Variants in PTPRD observed in about 807,000 individuals in gnomAD.
PTPRD encodes the protein protein tyrosine phosphatase receptor type D.
PTPRD carries 34 observed loss-of-function variants against 214.5 expected under a neutral mutation model. That is an observed-to-expected ratio of 0.16 (90% CI 0.12 to 0.21). The LOEUF is 0.21. PTPRD is among the 10% of genes least tolerant of loss of function. The pLI, the probability that PTPRD is intolerant of heterozygous loss-of-function variation, is 1.00. For missense variants in PTPRD, 2,545 were observed against 2,398.7 expected (o/e 1.06, Z -1.27); for synonymous variants, 1,128 against 845.7 (o/e 1.33, Z -5.79).
chr9:9,345,154 T>C (rs1389590981), intron 9 of PTPRD, among the ~76,000 whole-genome samples: 2 of 152,204 alleles, frequency 1.3e-5, no homozygotes. Flanking sequence ...ATGCTAATTT[T>C]AGGACAAAGT....
intron 8 of PTPRD, among the ~76,000 whole-genome samples, chr9:9,516,259 T>C (rs954320992): frequency 9.9e-5 from 11 of 111,322 alleles, no homozygotes; most frequent in Non-Finnish European, 2.3e-4. Flanking sequence ...CTCCCATCCA[T>C]ATTTACTTAA....
chr9:8,561,337 C>T (rs1191059715), intron 14 of PTPRD, among the ~76,000 whole-genome samples: 1 of 152,160 alleles, frequency 6.6e-6, no homozygotes, highest in Non-Finnish European at 1.5e-5. Context: ...GGTGAGGAAT[C>T]CTCCCACCCC....
chr9:9,715,472 T>C (rs1156404216), intron 7 of PTPRD, among the ~76,000 whole-genome samples: 1 of 151,778 alleles, frequency 6.6e-6, no homozygotes, highest in Non-Finnish European at 1.5e-5. Flanking sequence ...AGCCAAGAAA[T>C]AAAAAAATAA....
intron 8 of PTPRD, among the ~76,000 whole-genome samples, chr9:9,404,692 G>A (rs1408458659): frequency 6.6e-6 from 1 of 152,038 alleles, no homozygotes; most frequent in African/African-American, 2.4e-5. Flanking sequence ...ATAGTTCAGT[G>A]GAGAGTCTAG....
Position 9,707,827 on chromosome 9 carries a change from T to A in PTPRD, c.-287+26706A>T, listed in dbSNP as rs369540411. ...TATAAAGGACTATTGAAACCTGTAG[T>A]TATTTGTCCACACAATCAATGACTC... On this transcript the variant is annotated intron_variant, in intron 7 of 45. Transcript: ENST00000381196. Among the ~76,000 whole-genome samples, 477 of 152,222 alleles carry A rather than the reference T, an allele frequency of 3.1e-3. 4 individuals are homozygous for A. Among genetic ancestry groups the A allele is most frequent in the African/African-American group, 0.011 (449 of 41,546 alleles).
At chr9:8,444,727 C>T (rs896967273) in intron 34 of PTPRD, among the ~76,000 whole-genome samples, 15 of 152,044 alleles carry the variant, frequency 9.9e-5, no homozygotes, top group African/African-American at 3.6e-4. Flanking sequence ...TTCTATTTTC[C>T]AAAATTTCCC....
chr9:8,373,651 GTGTGTA>G, intron 39 of PTPRD, among the ~76,000 whole-genome samples: 1 of 93,200 alleles, frequency 1.1e-5, no homozygotes, highest in East Asian at 3.7e-4. Context: ...GTGTGTGTGT[GTGTGTA>G]TTTTCTCAAA....
intron 3 of PTPRD, among the ~76,000 whole-genome samples, chr9:10,097,971 G>C (rs1271517519): frequency 6.6e-6 from 1 of 151,780 alleles, no homozygotes; most frequent in Non-Finnish European, 1.5e-5. Context: ...AATACCATTT[G>C]ACCCAGCCAT....
Position 9,792,125 on chromosome 9 carries a change from A to T in PTPRD, c.-367-25274T>A, listed in dbSNP as rs892283633. 1.6e-3 allele frequency among the ~76,000 whole-genome samples: 7 copies of T among 4,392 alleles called. No homozygotes were observed. In the African/African-American group the frequency reaches 0.09, roughly 56 times the overall value. The allele number at this position is 4,392 out of a possible 152,430, so 2.9% of individuals were successfully genotyped here. On this transcript the variant is annotated intron_variant, in intron 5 of 45. Transcript: ENST00000381196. ...CAGTGAGATTTTCTGACACTTTTTA[A>T]AAAAATCACATTACTCTTTATTTTT...
chr9:9,199,642 G>A (rs2099940701), intron 9 of PTPRD, among the ~76,000 whole-genome samples: 1 of 151,940 alleles, frequency 6.6e-6, no homozygotes, highest in Admixed American at 6.6e-5. Context: ...AATATAAATA[G>A]GTTAAATAGA....
chr9:10,127,625 TGTTTCTTATC>T (rs2098829556), intron 3 of PTPRD, among the ~76,000 whole-genome samples: 1 of 152,172 alleles, frequency 6.6e-6, no homozygotes, highest in South Asian at 2.1e-4. Flanking sequence ...TTAATCATAT[TGTTTCTTATC>T]CTTCTACCAT....
chr9:9,848,138 G>C (rs2059893791), intron 5 of PTPRD, among the ~76,000 whole-genome samples: 1 of 152,128 alleles, frequency 6.6e-6, no homozygotes, highest in Non-Finnish European at 1.5e-5. Flanking sequence ...ACACGCTTCA[G>C]AGTTTTCTAT....
At chr9:9,437,758 C>G (rs185223668) in intron 8 of PTPRD, among the ~76,000 whole-genome samples, 1 of 152,276 alleles carries the variant, frequency 6.6e-6, no homozygotes, top group East Asian at 1.9e-4. Flanking sequence ...CTGAGATCTG[C>G]TGCTCTGGGT....
chr9:8,600,266 C>T (rs1436961423), intron 14 of PTPRD, among the ~76,000 whole-genome samples: 3 of 152,200 alleles, frequency 2.0e-5, no homozygotes, highest in Non-Finnish European at 4.4e-5. Flanking sequence ...AGCTTGAGTT[C>T]CCACAAGCCT....
chr9:9,508,707 T>C (rs753861278), intron 8 of PTPRD, among the ~76,000 whole-genome samples: 4 of 151,654 alleles, frequency 2.6e-5, no homozygotes, highest in Admixed American at 6.6e-5. Flanking sequence ...TTCAATTCAT[T>C]GTACTTATGG....
At chr9:9,729,878 A>C (rs573532774) in intron 7 of PTPRD, among the ~76,000 whole-genome samples, 1 of 152,158 alleles carries the variant, frequency 6.6e-6, no homozygotes, top group Non-Finnish European at 1.5e-5. Flanking sequence ...ATAGCATACT[A>C]GCAGTAATAA....
intron 10 of PTPRD, among the ~76,000 whole-genome samples, chr9:9,077,154 GT>G (rs71317399): frequency 0.59 from 84,962 of 144,582 alleles, 24,931 homozygotes; most frequent in Non-Finnish European, 0.64. Flanking sequence ...CAGATTATTA[GT>G]TTTTTTTTTT....
At chr9:9,354,931 A>C (rs1416634233) in intron 9 of PTPRD, among the ~76,000 whole-genome samples, 1 of 151,798 alleles carries the variant, frequency 6.6e-6, no homozygotes, top group African/African-American at 2.4e-5. Flanking sequence ...AATGAATAGC[A>C]AAGGAGGAAA....
chr9:8,365,079 A>G (rs1324160462), intron 39 of PTPRD, among the ~76,000 whole-genome samples: 1 of 152,120 alleles, frequency 6.6e-6, no homozygotes, highest in Non-Finnish European at 1.5e-5. Context: ...GCAGAAGCCT[A>G]TGGGAAAGCT....
Sources: allele counts gnomAD v4.1 joint callset (sites outside exome capture counted in the v4.1 genomes callset), GRCh38; gene constraint gnomAD v4.1.1; transcripts MANE v1.5; gene names NCBI Gene and HGNC (gene_info 2026-07-23, HGNC 2026-07-21).